STX8: variants seen among roughly 807,000 people sequenced by gnomAD.
The protein encoded by STX8 is syntaxin 8.
STX8 carries 23 observed loss-of-function variants against 37.5 expected under a neutral mutation model. The observed-to-expected ratio is 0.61, with a 90% confidence interval of 0.44 to 0.87. The LOEUF (loss-of-function observed/expected upper bound fraction) is 0.87. Among genes scored for constraint, STX8 ranks in the 40% least tolerant of loss-of-function variants. The probability of loss-of-function intolerance (pLI) is 0.00; values close to 1 mark genes in which losing one functional copy is unlikely to be tolerated. For missense variants in STX8, 313 were observed against 284.7 expected, an observed-to-expected ratio of 1.10 and a Z score of -0.71; for synonymous variants, 115 against 99.1, an observed-to-expected ratio of 1.16 and a Z score of -0.95.
intron 6 of STX8, among the ~76,000 whole-genome samples, chr17:9,417,218 CTG>C (rs1913233292): frequency 6.6e-6 from 1 of 152,184 alleles, no homozygotes; most frequent in African/African-American, 2.4e-5. Context: ...TGCAATAACG[CTG>C]TCTCAGTGAA....
At position 9,258,875 on chromosome 17, in the gene STX8, C is replaced by T. The variant is rs147658794; in HGVS notation, c.644-8230G>A. ...CACCCGCCCCAGGGCAGGGCCGAAG[C>T]CTTGAAGGCTCATCCTCTGTATTTC... On this transcript the variant is annotated intron_variant, in intron 7 of 7. Transcript: ENST00000306357. Among the ~76,000 whole-genome samples the T allele has an allele frequency of 3.4e-3, 511 of 152,316 alleles. 2 individuals carry two copies. The highest frequency in any genetic ancestry group is 0.012 in the African/African-American group (480 of 41,554).
At chr17:9,484,343 A>G (rs1462522631) in intron 6 of STX8, among the ~76,000 whole-genome samples, 2 of 151,530 alleles carry the variant, frequency 1.3e-5, no homozygotes, top group Admixed American at 6.6e-5. Context: ...GCATGAAAGA[A>G]GGGAAGATTT....
chr17:9,417,812 A>G (rs1913253906), intron 6 of STX8, among the ~76,000 whole-genome samples: 1 of 152,160 alleles, frequency 6.6e-6, no homozygotes, highest in African/African-American at 2.4e-5. Context: ...ACACCCCTAA[A>G]TGATGGGACT....
At chr17:9,514,165 G>A (rs1905102665) in intron 4 of STX8, among the ~76,000 whole-genome samples, 3 of 152,122 alleles carry the variant, frequency 2.0e-5, no homozygotes, top group South Asian at 2.1e-4. Context: ...CTAGAAGGAC[G>A]ATATAGAATG....
chr17:9,264,687 G>A (rs1217376733), intron 7 of STX8, among the ~76,000 whole-genome samples: 3 of 152,184 alleles, frequency 2.0e-5, no homozygotes, highest in African/African-American at 7.2e-5. Flanking sequence ...AGTAATATAA[G>A]AACAAGAAGG....
At chr17:9,363,975 G>T (rs531364048) in intron 7 of STX8, among the ~76,000 whole-genome samples, 1 of 152,126 alleles carries the variant, frequency 6.6e-6, no homozygotes, top group Non-Finnish European at 1.5e-5. Flanking sequence ...AAGCGTCAAC[G>T]TTTGAACTTA....
rs146476804 is a variant in STX8 at position 9,313,199 on chromosome 17, G to T, written c.644-62554C>A. On this transcript the variant is annotated intron_variant, in intron 7 of 7. Transcript: ENST00000306357. ...AGAGTGAAACTCTGTCTAAAAAAAA[G>T]AAATAAATAAAAATAAGAGGTCACT... 3.6e-3 allele frequency among the ~76,000 whole-genome samples: 548 copies of T among 152,036 alleles called. 1 individual carries two copies. The highest frequency in any genetic ancestry group is 1.0e-2 in the African/African-American group (414 of 41,486).
chr17:9,293,002 G>A (rs986377579), intron 7 of STX8, among the ~76,000 whole-genome samples: 4 of 152,022 alleles, frequency 2.6e-5, no homozygotes, highest in Non-Finnish European at 5.9e-5. Context: ...ATGAATATCC[G>A]GTATCATCAT....
chr17:9,487,848 G>T lies in STX8; in HGVS notation c.541+3981C>A, dbSNP rs1246067901. The stretch of plus-strand genomic sequence containing the variant: ...TGGATGCGCTTCTGTGCATGTGGGG[G>T]ATTTAGACCTGTAATGTGAGCATAT... On this transcript the variant is annotated intron_variant, in intron 6 of 7. Coordinates refer to ENST00000306357, the MANE Select transcript of STX8 (RefSeq NM_004853.3). Among the ~76,000 whole-genome samples the T allele has an allele frequency of 3.9e-5, 6 of 152,276 alleles. No homozygotes were observed. The South Asian group carries it at 1.2e-3, about 32-fold the overall frequency.
intron 6 of STX8, among the ~76,000 whole-genome samples, chr17:9,419,068 C>T (rs556710338): frequency 5.3e-4 from 81 of 151,596 alleles, no homozygotes; most frequent in Non-Finnish European, 1.0e-3. Flanking sequence ...GGACTACAGA[C>T]CTGTGCCATC....
intron 7 of STX8, among the ~76,000 whole-genome samples, chr17:9,301,756 T>G (rs1317873534): frequency 2.0e-5 from 3 of 152,044 alleles, no homozygotes; most frequent in Non-Finnish European, 4.4e-5. Flanking sequence ...CCCAAAGTGT[T>G]GGGATTACAG....
Position 9,430,866 on chromosome 17 carries a change from G to A in STX8, c.542-52213C>T, listed in dbSNP as rs540429121. ...GGATTTCACCATGTTAGCCAGGATG[G>A]TCTCAATCTCCTGACCTCGTGATCC... On this transcript the variant is annotated intron_variant, in intron 6 of 7. Transcript: ENST00000306357. 4.0e-4 allele frequency among the ~76,000 whole-genome samples: 61 copies of A among 152,250 alleles called. 1 individual carries two copies. Among genetic ancestry groups the A allele is most frequent in the Admixed American group, 2.0e-4 (3 of 15,300 alleles).
At chr17:9,501,648 G>A (rs141382975) in intron 5 of STX8, among the ~76,000 whole-genome samples, 3,884 of 151,402 alleles carry the variant, frequency 0.026, 87 homozygotes, top group Non-Finnish European at 0.042. Flanking sequence ...CCAGGATCAC[G>A]CCACTGCACT....
chr17:9,546,400 C>A (rs1405280732), intron 3 of STX8, among the ~76,000 whole-genome samples: 3 of 139,516 alleles, frequency 2.2e-5, no homozygotes, highest in South Asian at 2.2e-4. Context: ...AAAAAAAAAA[C>A]CAAACAACCA....
intron 7 of STX8, among the ~76,000 whole-genome samples, chr17:9,322,540 G>C (rs1025790317): frequency 6.6e-6 from 1 of 152,126 alleles, no homozygotes; most frequent in African/African-American, 2.4e-5. Context: ...TAAAGCCACA[G>C]ATCTCCTCTG....
chr17:9,495,907 C>T (rs556923357), intron 5 of STX8, among the ~76,000 whole-genome samples: 33 of 152,220 alleles, frequency 2.2e-4, no homozygotes, highest in Non-Finnish European at 2.9e-4. Flanking sequence ...AAGAACCATG[C>T]ATGGGCATGG....
At chr17:9,519,097 AG>A (rs1251982298) in intron 4 of STX8, among the ~76,000 whole-genome samples, 2 of 152,264 alleles carry the variant, frequency 1.3e-5, no homozygotes, top group Admixed American at 1.3e-4. Context: ...AAAAACATTC[AG>A]GCAAAGCACG....
chr17:9,356,852 C>T (rs536587787), intron 7 of STX8, among the ~76,000 whole-genome samples: 3 of 151,932 alleles, frequency 2.0e-5, no homozygotes, highest in Non-Finnish European at 4.4e-5. Context: ...TGCAGCAGCG[C>T]ATTTGCATCT....
At chr17:9,286,447 T>C (rs1908074426) in intron 7 of STX8, among the ~76,000 whole-genome samples, 4 of 152,170 alleles carry the variant, frequency 2.6e-5, no homozygotes, top group Non-Finnish European at 5.9e-5. Context: ...ATTTTATGCA[T>C]GTGTAGTACA....
Sources: allele counts gnomAD v4.1 joint callset (sites outside exome capture counted in the v4.1 genomes callset), GRCh38; gene constraint gnomAD v4.1.1; transcripts MANE v1.5; gene names NCBI Gene and HGNC (gene_info 2026-07-23, HGNC 2026-07-21).